The following ZNF467 variants were observed in gnomAD, a reference collection of about 807,000 sequenced individuals.
The protein encoded by ZNF467 is zinc finger protein EZI.
In ZNF467, 51 loss-of-function variants were observed where a neutral mutation model predicts 47.8. The observed-to-expected ratio is 1.07, with a 90% CI of 0.85 to 1.35. The LOEUF (loss-of-function observed/expected upper bound fraction) is 1.35, where lower values mean the gene tolerates loss of function less well. ZNF467 is among the 40% of genes most tolerant of loss of function. The probability of loss-of-function intolerance (pLI) is 0.00; values close to 1 mark genes in which losing one functional copy is unlikely to be tolerated. For synonymous variants in ZNF467, 416 were observed against 372.9 expected, an observed-to-expected ratio of 1.12 and a Z score of -1.33; for missense variants, 992 against 858.1, an observed-to-expected ratio of 1.16 and a Z score of -1.95.
Position 149,769,954 on chromosome 7 carries a change from G to C in ZNF467, c.151+486C>G, listed in dbSNP as rs1799338770. ...GGCCTCCCAAAGGGCTGAGAATACA[G>C]GCATAAGCCACCATGCCCGGCTTCC... is the stretch of plus-strand genomic sequence containing the variant. On this transcript the variant is annotated intron_variant, in intron 3 of 4. Transcript: ENST00000302017. The surrounding 1 kb of genome is among the most constrained non-coding windows in gnomAD (Gnocchi z 5.3). 6.6e-6 allele frequency among the ~76,000 whole-genome samples: 1 copy of C among 152,136 alleles called. No homozygotes were observed. The highest frequency in any genetic ancestry group is 2.1e-4 in the South Asian group (1 of 4,828).
chr7:149,770,313 T>TGGAA, intron 3 of ZNF467, 127 bp downstream of exon 3: 1 of 572,160 alleles, frequency 1.7e-6, no homozygotes. Flanking sequence ...ATTTGATGAA[T>TGGAA]GGAAGGAAGG....
rs897456983 is a variant in ZNF467, at chr7:149,764,999, G to C, written c.1503C>G (p.His501Gln). 6 of 1,589,616 alleles carry C rather than the reference G, an allele frequency of 3.8e-6. No individual in the cohort carries two copies. Among genetic ancestry groups the C allele is most frequent in the Non-Finnish European group, 5.1e-6 (6 of 1,173,826 alleles). The change falls in exon 5 of 5, where the codon CAC becomes CAG. Residue 501 changes from histidine to glutamine, a missense_variant. Coordinates refer to ENST00000302017, the MANE Select transcript of ZNF467 (RefSeq NM_207336.3). ...TGTGCACCGCCTGGTGGCGGCCCAG[G>C]TGCGACTTGCGGCTGAAGCGGCGGC... ...QCGRRFSRKS[H>Q]LGRHQAVHTG...
chr7:149,765,751 T>G lies in ZNF467; in HGVS notation c.751A>C (p.Lys251Gln), dbSNP rs371470222. 10 of 1,612,008 alleles carry G rather than the reference T, an allele frequency of 6.2e-6. No homozygotes were observed. The highest frequency in any genetic ancestry group is 8.5e-6 in the Non-Finnish European group (10 of 1,179,414). Residue 251 changes from lysine (K) to glutamine (Q), a missense_variant, in exon 5 of 5, where the codon AAG becomes CAG. Lys to Gln is a moderately conservative substitution (Grantham distance 53). Coordinates refer to ENST00000302017, the MANE Select transcript of ZNF467 (RefSeq NM_207336.3). ...AGGTGGATCTTCTGGCTGAAGCGCTTGCCGCACTCCGCGCACGGGTAGGGC... is the reference window on the plus strand; with the variant it reads ...AGGTGGATCTTCTGGCTGAAGCGCTGGCCGCACTCCGCGCACGGGTAGGGC... The part of the protein sequence containing the change: ...ERPYPCAECG[K>Q]RFSQKIHLGS...
In ZNF467 at chr7:149,764,896, T is replaced by TC; in HGVS notation, c.1605dup (p.Ile536AspfsTer185). On this transcript the variant is annotated frameshift_variant, in exon 5 of 5. Coordinates refer to ENST00000302017, the MANE Select transcript of ZNF467 (RefSeq NM_207336.3). LOFTEE classifies it high-confidence loss of function. ...GAGAAGGGGCGGGAGCCTGTGTGGA[T>TC]CGCCTGGTGGCGGACTAGGTTGGTT... is the stretch of plus-strand genomic sequence containing the variant. The TC allele has an allele frequency of 6.4e-7, 1 of 1,565,146 alleles. No homozygotes were observed. The highest frequency in any genetic ancestry group is 8.6e-7 in the Non-Finnish European group (1 of 1,158,310).
rs746160812 is a variant in ZNF467 at position 149,765,427 on chromosome 7, C to A, written c.1075G>T (p.Asp359Tyr). 1.9e-6 allele frequency: 3 copies of A among 1,578,392 alleles called. No homozygotes were observed. The highest frequency in any genetic ancestry group is 1.7e-6 in the Non-Finnish European group (2 of 1,162,896). The change falls in exon 5 of 5, where the codon GAC becomes TAC. Residue 359 changes from aspartate to tyrosine, a missense_variant. Coordinates refer to ENST00000302017, the MANE Select transcript of ZNF467 (RefSeq NM_207336.3). ...TTCCAGCCGAAGCTCAAGCCGCAGT[C>A]GGAGCACGCGAAAGGCTTTGGCCCG... ...FPGPKPFACSDCGLSFGWKKN... is the reference protein window; with the variant it reads ...FPGPKPFACSYCGLSFGWKKN...
chr7:149,764,309 T>G lies in ZNF467; in HGVS notation c.*405A>C. 41 of 418,894 alleles carry G rather than the reference T, an allele frequency of 9.8e-5. No homozygotes were observed. Among genetic ancestry groups the G allele is most frequent in the South Asian group, 9.4e-4 (13 of 13,860 alleles). The allele number at this position is 418,894 out of a possible 1,614,324, so 25.9% of individuals were successfully genotyped here. A position where few individuals can be genotyped will look rare whatever the true frequency, so the allele number is the denominator to read the frequency against. On this transcript the variant is annotated 3_prime_UTR_variant, in exon 5 of 5. Coordinates refer to ENST00000302017, the MANE Select transcript of ZNF467 (RefSeq NM_207336.3). The stretch of plus-strand genomic sequence containing the variant: ...CTGTGTGTGGATGGAGGTGGGACAG[T>G]GGCTAAGGAGAGTCAGGTGTTCCCT...
At chr7:149,766,312 C>T in intron 4 of ZNF467, 73 bp from the exon 5 acceptor site, 2 of 1,503,994 alleles carry the variant, frequency 1.3e-6, no homozygotes, top group Non-Finnish European at 1.8e-6. Context: ...AGGATCTCCA[C>T]TTCCTGGAGC....
chr7:149,764,581 G>T lies in ZNF467; in HGVS notation c.*133C>A. 4 of 1,489,216 alleles carry T rather than the reference G, an allele frequency of 2.7e-6. No homozygotes were observed. The highest frequency in any genetic ancestry group is 3.7e-6 in the Non-Finnish European group (4 of 1,095,760). 92.3% of individuals were successfully genotyped at this position (1,489,216 alleles called of 1,614,324 possible). Reference sequence around the variant, plus strand: ...TATGCTGTGCGGACGCAGACACTGCGGGAAGGAAACAGGTGTCCCGCGGCG... The same window carrying T: ...TATGCTGTGCGGACGCAGACACTGCTGGAAGGAAACAGGTGTCCCGCGGCG... On this transcript the variant is annotated 3_prime_UTR_variant, in exon 5 of 5. Coordinates refer to ENST00000302017, the MANE Select transcript of ZNF467 (RefSeq NM_207336.3).
chr7:149,765,275 T>C lies in ZNF467; in HGVS notation c.1227A>G (p.Gly409=). 6.9e-7 allele frequency: 1 copy of C among 1,458,012 alleles called. No individual in the cohort carries two copies. Among genetic ancestry groups the C allele is most frequent in the Admixed American group, 2.7e-5 (1 of 36,906 alleles). 90.3% of individuals were successfully genotyped at this position (1,458,012 alleles called of 1,614,324 possible). The change falls in exon 5 of 5, where the codon GGA becomes GGG. Residue 409 remains glycine (G), a synonymous_variant. Transcript: ENST00000302017. ...AAKPLASAPG[G]PGCGPGSDPV... ...GATCGGATCCTGGGCCGCAGCCCGG[T>C]CCGCCAGGCGCGCTGGCCAGGGGCT... is the stretch of plus-strand genomic sequence containing the variant.
upstream of ZNF467, chr7:149,776,360 G>A: frequency 7.3e-7 from 1 of 1,363,036 alleles, no homozygotes; most frequent in Non-Finnish European, 9.8e-7. Flanking sequence ...TGGTGTGAGT[G>A]GACAGAGACC....
chr7:149,767,467 CT>C (rs1799259801), intron 4 of ZNF467, among the ~76,000 whole-genome samples: 1 of 152,256 alleles, frequency 6.6e-6, no homozygotes, highest in Non-Finnish European at 1.5e-5. Flanking sequence ...TTCCAGACCC[CT>C]GTCTACTTAT....
upstream of ZNF467, among the ~76,000 whole-genome samples, chr7:149,774,558 C>T (rs1273448028): frequency 3.9e-5 from 6 of 152,138 alleles, no homozygotes; most frequent in African/African-American, 1.2e-4. This position sits in a 1 kb window ranked among gnomAD's most constrained non-coding sequence, Gnocchi z 5.7. Context: ...AGGATGAGTG[C>T]CTGGAAGAGC....
chr7:149,765,102 C>G lies in ZNF467; in HGVS notation c.1400G>C (p.Arg467Pro), dbSNP rs1375687674. 1.4e-6 allele frequency: 2 copies of G among 1,466,366 alleles called. No individual in the cohort carries two copies. Among genetic ancestry groups the G allele is most frequent in the Admixed American group, 5.0e-5 (2 of 39,750 alleles). 90.8% of individuals were successfully genotyped at this position (1,466,366 alleles called of 1,614,324 possible). ...RPFACTQCDR[R>P]FGSRPNLVAH... ...GACCAGATTAGGCCGCGAGCCGAAG[C>G]GGCGGTCACACTGCGTGCAGGCGAA... The change falls in exon 5 of 5, where the codon CGC becomes CCC. Residue 467 changes from arginine to proline, a missense_variant. Coordinates refer to ENST00000302017, the MANE Select transcript of ZNF467 (RefSeq NM_207336.3).
In ZNF467 at chr7:149,769,226, G is replaced by T. The variant is rs1449033750; in HGVS notation, c.152-26C>A. On this transcript the variant is annotated intron_variant, in intron 3 of 4. Coordinates refer to ENST00000302017, the MANE Select transcript of ZNF467 (RefSeq NM_207336.3). The surrounding 1 kb of genome is among the most constrained non-coding windows in gnomAD (Gnocchi z 5.3). ...CTGGCAGAGAATAGGATACCTCAAG[G>T]ACTCTGGAGACATCACAGATGGCCA... is the stretch of plus-strand genomic sequence containing the variant. 6.5e-7 allele frequency: 1 copy of T among 1,530,152 alleles called. No homozygotes were observed. The highest frequency in any genetic ancestry group is 2.5e-5 in the East Asian group (1 of 40,712). 94.8% of individuals were successfully genotyped at this position (1,530,152 alleles called of 1,614,324 possible).
Position 149,765,674 on chromosome 7 carries a change from T to G in ZNF467, c.828A>C (p.Glu276Asp), listed in dbSNP as rs1221196560. ...HTGERPFPCT[E>D]CEKRFRKKTH... ...TCTTCTTGCGAAAGCGCTTCTCGCA[T>G]TCCGTGCAGGGGAAGGGCCGCTCGC... Residue 276 changes from glutamate (E) to aspartate (D), a missense_variant, in exon 5 of 5, where the codon GAA (glutamate) becomes GAC (aspartate). Transcript: ENST00000302017. The G allele has an allele frequency of 2.5e-6, 4 of 1,612,504 alleles. No homozygotes were observed. In the Admixed American group the frequency reaches 6.7e-5, roughly 27 times the overall value.
Position 149,770,439 on chromosome 7 carries a change from C to A in ZNF467, c.151+1G>T. On this transcript the variant is annotated splice_donor_variant, in intron 3 of 4. Coordinates refer to ENST00000302017, the MANE Select transcript of ZNF467 (RefSeq NM_207336.3). LOFTEE classifies it high-confidence loss of function. ...GCCTTTCCAGGGTTCCTGTTACCTACCTGAGCACACCCCCAGTGCTCTCTC... is the reference window on the plus strand; with the variant it reads ...GCCTTTCCAGGGTTCCTGTTACCTAACTGAGCACACCCCCAGTGCTCTCTC... 3 of 1,603,512 alleles carry A rather than the reference C, an allele frequency of 1.9e-6. No homozygotes were observed. Among genetic ancestry groups the A allele is most frequent in the Non-Finnish European group, 1.7e-6 (2 of 1,174,076 alleles).
intron 4 of ZNF467, among the ~76,000 whole-genome samples, chr7:149,768,005 C>T (rs1282026530): frequency 1.3e-5 from 2 of 152,232 alleles, no homozygotes; most frequent in Non-Finnish European, 2.9e-5. Flanking sequence ...CAGCCTAGAA[C>T]GTCTTCCCAT....
chr7:149,776,173 G>A (rs1000934386), upstream of ZNF467: 19 of 1,168,914 alleles, frequency 1.6e-5, no homozygotes, highest in African/African-American at 9.5e-5. Context: ...ATCAGACTCC[G>A]TGCCCCCCAC....
Position 149,764,634 on chromosome 7 carries a change from C to G in ZNF467, c.*80G>C, listed in dbSNP as rs1445270706. On this transcript the variant is annotated 3_prime_UTR_variant, in exon 5 of 5. Coordinates refer to ENST00000302017, the MANE Select transcript of ZNF467 (RefSeq NM_207336.3). ...CAAACCTTCGGGCAGCAGCCCAGGT[C>G]GCCTTGCTCACCCCAGGCGGTCTCA... 1.3e-6 allele frequency: 2 copies of G among 1,552,048 alleles called. No homozygotes were observed. The highest frequency in any genetic ancestry group is 3.9e-5 in the Admixed American group (2 of 51,482).
Sources: allele counts gnomAD v4.1 joint callset (sites outside exome capture counted in the v4.1 genomes callset), GRCh38; gene constraint gnomAD v4.1.1; non-coding constraint Gnocchi (gnomAD v3.1); transcripts MANE v1.5; gene names NCBI Gene and HGNC (gene_info 2026-07-23, HGNC 2026-07-21).